The following KMT2A variants were observed in gnomAD, a reference collection of about 807,000 sequenced individuals.
KMT2A encodes lysine methyltransferase 2A.
Under a neutral mutation model 345.3 loss-of-function variants are expected in KMT2A, and 16 were observed. The observed-to-expected ratio is 0.05, with a 90% CI of 0.03 to 0.07. The LOEUF is 0.07. KMT2A is among the 10% of genes least tolerant of loss of function. The probability of loss-of-function intolerance (pLI) is 1.00; values close to 1 mark genes in which losing one functional copy is unlikely to be tolerated. For synonymous variants in KMT2A, 1,599 were observed against 1,778.6 expected (o/e 0.90, Z 2.54); for missense variants, 3,272 against 4,841.6 (o/e 0.68, Z 9.62).
At chr11:118,451,470 C>T (rs1949536279) in intron 1 of KMT2A, among the ~76,000 whole-genome samples, 1 of 152,144 alleles carries the variant, frequency 6.6e-6, no homozygotes, top group East Asian at 1.9e-4. Flanking sequence ...TCATTGCAAC[C>T]TCCACCTCCT....
At position 118,504,484 on chromosome 11, in the gene KMT2A, G is replaced by A; in HGVS notation, c.8592G>A (p.Gln2864=). Reference sequence around the variant, plus strand: ...TACTAAAGAATACTCCATCCATGCAGGCTTTGGGTGAGAGCCCAGAGTCAT... The same window carrying A: ...TACTAAAGAATACTCCATCCATGCAAGCTTTGGGTGAGAGCCCAGAGTCAT... The part of the protein sequence containing the change: ...DFVLKNTPSM[Q]ALGESPESSS... The change falls in exon 27 of 36, where the codon CAG becomes CAA. Residue 2864 remains glutamine, a synonymous_variant. Transcript: ENST00000534358. This position sits in a 1 kb window ranked among gnomAD's most constrained non-coding sequence, Gnocchi z 6.4. The A allele has an allele frequency of 6.2e-7, 1 of 1,614,206 alleles. No homozygotes were observed. Among genetic ancestry groups the A allele is most frequent in the South Asian group, 1.1e-5 (1 of 91,078 alleles).
At position 118,501,132 on chromosome 11, in the gene KMT2A, C is replaced by T; in HGVS notation, c.6304C>T (p.Pro2102Ser). The T allele has an allele frequency of 1.9e-6, 3 of 1,613,804 alleles. No homozygotes were observed. The highest frequency in any genetic ancestry group is 1.7e-6 in the Non-Finnish European group (2 of 1,179,864). The change falls in exon 25 of 36, where the codon CCA (proline) becomes TCA (serine). Residue 2102 changes from proline to serine, a missense_variant. Around this residue, in one of 27 missense-constraint regions of KMT2A, gnomAD observed 66 missense variants for 73.9 expected, o/e 0.89. Transcript: ENST00000534358. ...HDENRTIAHS[P>S]TSFTESSSKE... is the part of the protein sequence containing the mutation. Reference sequence around the variant, plus strand: ...TGAAAACAGGACCATTGCCCATAGTCCAACATCTTTTACAGGTTAGTCTTG... The same window carrying T: ...TGAAAACAGGACCATTGCCCATAGTTCAACATCTTTTACAGGTTAGTCTTG...
intron 1 of KMT2A, among the ~76,000 whole-genome samples, chr11:118,446,393 C>G (rs1949422243): frequency 6.6e-6 from 1 of 152,138 alleles, no homozygotes; most frequent in Non-Finnish European, 1.5e-5. Flanking sequence ...CTAACATACT[C>G]AGTACACCAT....
chr11:118,511,178 G>T (rs1044605136), intron 30 of KMT2A, among the ~76,000 whole-genome samples: 1 of 152,180 alleles, frequency 6.6e-6, no homozygotes, highest in Non-Finnish European at 1.5e-5. Flanking sequence ...AACTGGAGAT[G>T]CTCAAAGACG....
rs147844226 is a variant in KMT2A at position 118,506,472 on chromosome 11, G to A, written c.10580G>A (p.Arg3527Gln). ...CCATCCTCTCCATCTTCTGGACAGC[G>A]GTCAGCAAGCCCTTCAGTGCCGGGT... ...GSPSSPSSGQRSASPSVPGPT... is the reference protein window; with the variant it reads ...GSPSSPSSGQQSASPSVPGPT... The change falls in exon 27 of 36, where the codon CGG (arginine) becomes CAG (glutamine). Residue 3527 changes from arginine to glutamine, a missense_variant. By Grantham distance (43) the Arg-to-Gln change is conservative. Transcript: ENST00000534358. 11 of 1,614,020 alleles carry A rather than the reference G, an allele frequency of 6.8e-6. No individual in the cohort carries two copies. The Admixed American group carries it at 8.3e-5, about 12-fold the overall frequency.
rs907535176 is a variant in KMT2A, at chr11:118,495,453, G to A, written c.5364-247G>A. 1.3e-5 allele frequency among the ~76,000 whole-genome samples: 2 copies of A among 152,008 alleles called. No individual in the cohort carries two copies. Among genetic ancestry groups the A allele is most frequent in the Non-Finnish European group, 2.9e-5 (2 of 67,994 alleles). On this transcript the variant is annotated intron_variant, in intron 18 of 35. Transcript: ENST00000534358. This position sits in a 1 kb window ranked among gnomAD's most constrained non-coding sequence, Gnocchi z 4.1. Reference sequence around the variant, plus strand: ...ATTACAGGCATGAGCCACCATGCCCGGCCTCTTTTGAGTTTTTGATAGGGT... The same window carrying A: ...ATTACAGGCATGAGCCACCATGCCCAGCCTCTTTTGAGTTTTTGATAGGGT...
chr11:118,513,207 G>A (rs1328793817), intron 31 of KMT2A, among the ~76,000 whole-genome samples: 1 of 152,092 alleles, frequency 6.6e-6, no homozygotes, highest in Non-Finnish European at 1.5e-5. Flanking sequence ...TCTTAGCACT[G>A]CACTCCAGCC....
chr11:118,509,236 A>T, intron 29 of KMT2A, 36 bp downstream of exon 29: 1 of 1,503,958 alleles, frequency 6.6e-7, no homozygotes, highest in Non-Finnish European at 9.2e-7. Context: ...ATCAGAGAAT[A>T]TCAATGCTAA....
chr11:118,512,280 T>TG, intron 31 of KMT2A: 1 of 512,308 alleles, frequency 2.0e-6, no homozygotes, highest in South Asian at 2.8e-5. Context: ...AGAAACCCCC[T>TG]ATTCATTAGC....
At chr11:118,455,924 A>G (rs948169991) in intron 1 of KMT2A, among the ~76,000 whole-genome samples, 4 of 152,042 alleles carry the variant, frequency 2.6e-5, no homozygotes, top group Admixed American at 6.6e-5. Context: ...TGCTGTCTCA[A>G]GCAAGCTGCC....
Position 118,491,297 on chromosome 11 carries a change from G to A in KMT2A, c.4798G>A (p.Glu1600Lys), listed in dbSNP as rs1555042415. 1 of 1,613,746 alleles carries A rather than the reference G, an allele frequency of 6.2e-7. No individual in the cohort carries two copies. ...TGATCGCTGGGTCCATTCCAAATGT[G>A]AGAATCTTTCAGGTACAGAAGGTTG... Reference protein sequence around the residue: ...KCDRWVHSKCENLSGTEDEMY... With the variant: ...KCDRWVHSKCKNLSGTEDEMY... The change falls in exon 14 of 36, where the codon GAG becomes AAG. Residue 1600 changes from glutamate (E) to lysine (K), a missense_variant. Physicochemically the swap from Glu to Lys is moderately conservative, Grantham distance 56. Transcript: ENST00000534358. The surrounding 1 kb of genome is among the most constrained non-coding windows in gnomAD (Gnocchi z 4.2).
Position 118,497,542 on chromosome 11 carries a change from C to T in KMT2A, c.5665-394C>T, listed in dbSNP as rs1248604987. ...TCCTGAGTAGCTGAGACCACAGATG[C>T]GCACCACCATGCCTGGCTAATTTTT... On this transcript the variant is annotated intron_variant, in intron 20 of 35. Transcript: ENST00000534358. This position sits in a 1 kb window ranked among gnomAD's most constrained non-coding sequence, Gnocchi z 4.8. 2.6e-5 allele frequency among the ~76,000 whole-genome samples: 4 copies of T among 151,790 alleles called. No homozygotes were observed. Among genetic ancestry groups the T allele is most frequent in the Admixed American group, 6.6e-5 (1 of 15,238 alleles).
chr11:118,520,295 ACT>A lies in KMT2A; in HGVS notation c.11429+234_11429+235del. On this transcript the variant is annotated intron_variant, in intron 33 of 35. Coordinates refer to ENST00000534358, the MANE Select transcript of KMT2A (RefSeq NM_001197104.2). This position sits in a 1 kb window ranked among gnomAD's most constrained non-coding sequence, Gnocchi z 4.3. ...TGCCTGTTTTCTTTAATGATAGTATACTCTGTCAGCTTTGGTTGTACCACCAT... is the reference window on the plus strand; with the variant it reads ...TGCCTGTTTTCTTTAATGATAGTATACTGTCAGCTTTGGTTGTACCACCAT... 1 of 513,590 alleles carries A rather than the reference ACT, an allele frequency of 1.9e-6. No homozygotes were observed. The highest frequency in any genetic ancestry group is 3.6e-5 in the Admixed American group (1 of 27,992). The allele number at this position is 513,590 out of a possible 1,614,324, so 31.8% of individuals were successfully genotyped here.
At chr11:118,469,819 A>T (rs1490184917) in intron 2 of KMT2A, among the ~76,000 whole-genome samples, 2 of 152,218 alleles carry the variant, frequency 1.3e-5, no homozygotes, top group African/African-American at 4.8e-5. Flanking sequence ...ATATATTATC[A>T]TCTAATTCAA....
chr11:118,441,055 A>G (rs1949302359), intron 1 of KMT2A, among the ~76,000 whole-genome samples: 1 of 152,196 alleles, frequency 6.6e-6, no homozygotes, highest in African/African-American at 2.4e-5. Context: ...ATAGCTCATG[A>G]ATCTGTTCTG....
chr11:118,436,681 C>G lies in KMT2A; in HGVS notation c.169C>G (p.Pro57Ala). 7.9e-7 allele frequency: 1 copy of G among 1,267,434 alleles called. No homozygotes were observed. The highest frequency in any genetic ancestry group is 1.0e-6 in the Non-Finnish European group (1 of 1,004,794). 78.5% of individuals were successfully genotyped at this position (1,267,434 alleles called of 1,614,324 possible). The part of the protein sequence containing the change: ...GGGGPGAPPS[P>A]PAVAAAAAAA... Reference sequence around the variant, plus strand: ...TGGCGGCCCCGGGGCGCCCCCCTCCCCCCCGGCTGTGGCGGCCGCGGCGGC... The same window carrying G: ...TGGCGGCCCCGGGGCGCCCCCCTCCGCCCCGGCTGTGGCGGCCGCGGCGGC... Residue 57 changes from proline (P) to alanine (A), a missense_variant, in exon 1 of 36, where the codon CCC becomes GCC. Pro to Ala is a conservative substitution (Grantham distance 27). Coordinates refer to ENST00000534358, the MANE Select transcript of KMT2A (RefSeq NM_001197104.2). The surrounding 1 kb of genome is among the most constrained non-coding windows in gnomAD (Gnocchi z 6.9).
Position 118,504,741 on chromosome 11 carries a change from G to A in KMT2A, c.8849G>A (p.Ser2950Asn), listed in dbSNP as rs782028032. The change falls in exon 27 of 36, where the codon AGT becomes AAT. Residue 2950 changes from serine to asparagine, a missense_variant. Physicochemically the swap from Ser to Asn is conservative, Grantham distance 46 (BLOSUM62 1). Around this residue, in one of 27 missense-constraint regions of KMT2A, gnomAD observed 748 missense variants for 922.2 expected, o/e 0.81. Transcript: ENST00000534358. The surrounding 1 kb of genome is among the most constrained non-coding windows in gnomAD (Gnocchi z 6.4). ...RSPTVPSQNP[S>N]RLAVISDSGE... is the part of the protein sequence containing the mutation. ...CCCACTGTCCCCAGCCAGAATCCCA[G>A]TAGACTAGCTGTTATCTCAGACTCA... The A allele has an allele frequency of 1.2e-6, 2 of 1,614,000 alleles. No individual in the cohort carries two copies.
chr11:118,509,529 G>T (rs782207980), intron 29 of KMT2A, among the ~76,000 whole-genome samples: 147 of 152,000 alleles, frequency 9.7e-4, no homozygotes, highest in Non-Finnish European at 1.3e-3. Flanking sequence ...AGAAAACTAA[G>T]AACCATTTTT....
Position 118,498,348 on chromosome 11 carries a change from T to C in KMT2A, c.5803-22T>C. On this transcript the variant is annotated intron_variant, in intron 21 of 35. Coordinates refer to ENST00000534358, the MANE Select transcript of KMT2A (RefSeq NM_001197104.2). The surrounding 1 kb of genome is among the most constrained non-coding windows in gnomAD (Gnocchi z 4.4). The stretch of plus-strand genomic sequence containing the variant: ...AAACATATGAAAGTCTGAATAGGAC[T>C]CTGTTCTTTTTGGATTTTTAGAGAT... The C allele has an allele frequency of 6.2e-7, 1 of 1,602,714 alleles. No individual in the cohort carries two copies. Among genetic ancestry groups the C allele is most frequent in the Non-Finnish European group, 8.5e-7 (1 of 1,176,062 alleles).
Sources: gnomAD v4.1 joint callset for allele counts (sites outside exome capture counted in the v4.1 genomes callset) on GRCh38, gnomAD v4.1.1 for gene constraint, gnomAD v4.1.1 regional missense constraint, Gnocchi (gnomAD v3.1) non-coding constraint, MANE v1.5 for transcripts, NCBI Gene and HGNC (gene_info 2026-07-23, HGNC 2026-07-21) for gene names.